ERC2: variants seen among roughly 807,000 people sequenced by gnomAD.
ERC2 encodes ELKS/RAB6-interacting/CAST family member 2.
A neutral mutation model predicts 114.8 loss-of-function variants in ERC2; 42 were observed. That is an observed-to-expected ratio of 0.37 (90% CI 0.29 to 0.47). The LOEUF (loss-of-function observed/expected upper bound fraction) is 0.47. ERC2 is among the 20% of genes least tolerant of loss of function. ERC2 has a pLI of 0.99. For synonymous variants in ERC2, 454 were observed against 425.5 expected (o/e 1.07, Z -0.82); for missense variants, 939 against 1,150.7 (o/e 0.82, Z 2.66).
intron 3 of ERC2, among the ~76,000 whole-genome samples, chr3:56,225,384 G>A (rs2050184966): frequency 6.6e-6 from 1 of 152,130 alleles, no homozygotes; most frequent in African/African-American, 2.4e-5. Flanking sequence ...CCATGATAAG[G>A]CCACATCATA....
intron 10 of ERC2, among the ~76,000 whole-genome samples, chr3:56,001,811 C>T (rs551384235): frequency 1.3e-5 from 2 of 152,224 alleles, no homozygotes; most frequent in East Asian, 3.9e-4. Context: ...TGGTTTTCTT[C>T]CTGTTCCTAA....
intron 7 of ERC2, among the ~76,000 whole-genome samples, chr3:56,058,406 C>T (rs1390057205): frequency 6.6e-6 from 1 of 152,186 alleles, no homozygotes; most frequent in Non-Finnish European, 1.5e-5. Flanking sequence ...GTGTCATCCC[C>T]ACCAACTCTG....
chr3:55,822,760 C>G (rs2060180179), intron 14 of ERC2, among the ~76,000 whole-genome samples: 1 of 151,662 alleles, frequency 6.6e-6, no homozygotes, highest in Non-Finnish European at 1.5e-5. Flanking sequence ...ACTACAGGCA[C>G]CCGCCACTAT....
chr3:56,407,637 G>C (rs1192956540), intron 2 of ERC2, among the ~76,000 whole-genome samples: 1 of 152,152 alleles, frequency 6.6e-6, no homozygotes, highest in Non-Finnish European at 1.5e-5. Context: ...TCTAGGTGGA[G>C]GGGTGAGAGT....
chr3:55,805,175 C>G (rs550868117), intron 14 of ERC2, among the ~76,000 whole-genome samples: 13 of 151,986 alleles, frequency 8.6e-5, no homozygotes, highest in Non-Finnish European at 1.9e-4. Context: ...ATTCTCACAA[C>G]AGGCACCAAG....
intron 6 of ERC2, among the ~76,000 whole-genome samples, chr3:56,117,713 T>C (rs902295360): frequency 2.6e-5 from 4 of 152,188 alleles, no homozygotes; most frequent in African/African-American, 9.7e-5. Context: ...GGAAGAGAAA[T>C]CATAGCTACA....
intron 2 of ERC2, among the ~76,000 whole-genome samples, chr3:56,355,326 CTTT>C (rs11329878): frequency 0.047 from 6,675 of 141,000 alleles, 241 homozygotes; most frequent in African/African-American, 0.095. Context: ...TTTTTTCTTT[CTTT>C]TTTTTTTTTA....
At chr3:56,390,835 CAGGAAGCACTACTCATA>C (rs1328374796) in intron 2 of ERC2, among the ~76,000 whole-genome samples, 4 of 152,120 alleles carry the variant, frequency 2.6e-5, no homozygotes, top group African/African-American at 9.7e-5. Context: ...CCAAGATTAA[CAGGAAGCACTACTCATA>C]AGGACCCCTC....
At chr3:56,242,953 G>A (rs1227341200) in intron 3 of ERC2, among the ~76,000 whole-genome samples, 2 of 152,082 alleles carry the variant, frequency 1.3e-5, no homozygotes, top group Non-Finnish European at 2.9e-5. Flanking sequence ...TTTCACACTT[G>A]CCCTTATTCA....
At chr3:56,203,036 T>C (rs542937568) in intron 3 of ERC2, among the ~76,000 whole-genome samples, 55 of 152,342 alleles carry the variant, frequency 3.6e-4, no homozygotes, top group African/African-American at 1.2e-3. Flanking sequence ...GTCTAAAGAA[T>C]CATGGGCCTT....
At chr3:55,949,718 A>C (rs2067365881) in intron 13 of ERC2, among the ~76,000 whole-genome samples, 1 of 152,268 alleles carries the variant, frequency 6.6e-6, no homozygotes. Context: ...CCAAAATTTA[A>C]CATGAACTCC....
chr3:56,292,646 G>A (rs2055172146), intron 3 of ERC2, among the ~76,000 whole-genome samples: 1 of 151,760 alleles, frequency 6.6e-6, no homozygotes, highest in South Asian at 2.1e-4. Flanking sequence ...TGGTTTAAGA[G>A]CTGAGACTCC....
intron 14 of ERC2, among the ~76,000 whole-genome samples, chr3:55,810,544 C>A (rs1428993307): frequency 1.3e-5 from 2 of 151,806 alleles, no homozygotes; most frequent in African/African-American, 4.8e-5. Context: ...CTCACTGCAA[C>A]CTCCGCCTCC....
intron 17 of ERC2, among the ~76,000 whole-genome samples, chr3:55,584,187 T>C (rs1316456124): frequency 2.0e-5 from 3 of 152,176 alleles, no homozygotes; most frequent in Non-Finnish European, 4.4e-5. Flanking sequence ...GTGAAGAGCT[T>C]AGGCCCTGGA....
chr3:55,552,462 T>G (rs1227224024), intron 17 of ERC2, among the ~76,000 whole-genome samples: 2 of 152,168 alleles, frequency 1.3e-5, no homozygotes, highest in Non-Finnish European at 2.9e-5. Flanking sequence ...GCGTCTGGAC[T>G]TTTGCACACC....
chr3:56,321,839 C>T (rs2057140787), intron 2 of ERC2, among the ~76,000 whole-genome samples: 1 of 152,132 alleles, frequency 6.6e-6, no homozygotes, highest in Admixed American at 6.5e-5. Context: ...TTTACTTTAA[C>T]AATAGAAATA....
chr3:56,077,756 A>C (rs568640074), intron 7 of ERC2, among the ~76,000 whole-genome samples: 1 of 152,330 alleles, frequency 6.6e-6, no homozygotes, highest in South Asian at 2.1e-4. Context: ...AATTTACATT[A>C]ATTATTTTAT....
intron 3 of ERC2, among the ~76,000 whole-genome samples, chr3:56,273,317 A>C (rs1220782178): frequency 6.9e-6 from 1 of 144,746 alleles, no homozygotes; most frequent in East Asian, 2.0e-4. Flanking sequence ...GCCAGAGTAC[A>C]GTGGTGATCA....
intron 2 of ERC2, among the ~76,000 whole-genome samples, chr3:56,341,844 A>T (rs1429935308): frequency 6.6e-6 from 1 of 152,194 alleles, no homozygotes; most frequent in Non-Finnish European, 1.5e-5. Flanking sequence ...TAAGCAGGGC[A>T]TCACCTACCT....
Sources: allele counts gnomAD v4.1 joint callset (sites outside exome capture counted in the v4.1 genomes callset), GRCh38; gene constraint gnomAD v4.1.1; transcripts MANE v1.5; gene names NCBI Gene and HGNC (gene_info 2026-07-23, HGNC 2026-07-21).